CACTIN: variants seen among roughly 807,000 people sequenced by gnomAD.
The protein encoded by CACTIN is cactin, spliceosome C complex subunit.
CACTIN carries 20 observed loss-of-function variants against 84.9 expected under a neutral mutation model. The observed-to-expected ratio is 0.24, with a 90% confidence interval of 0.17 to 0.34. The LOEUF (loss-of-function observed/expected upper bound fraction) is 0.34. Among genes scored for constraint, CACTIN ranks in the 10% least tolerant of loss-of-function variants. The pLI is 1.00. For missense variants in CACTIN, 897 were observed against 1,117.2 expected (o/e 0.80, Z 2.81); for synonymous variants, 549 against 467.9 (o/e 1.17, Z -2.24).
At chr19:3,623,510 C>A (rs1220498928) in intron 2 of CACTIN, among the ~76,000 whole-genome samples, 178 bp downstream of exon 2, 1 of 152,210 alleles carries the variant, frequency 6.6e-6, no homozygotes. Flanking sequence ...GCCTGGGCGA[C>A]AGAGCGAGAC....
Position 3,623,794 on chromosome 19 carries a change from C to T in CACTIN, c.536G>A (p.Arg179His), listed in dbSNP as rs890738741. 1.2e-6 allele frequency: 2 copies of T among 1,613,784 alleles called. No homozygotes were observed. The highest frequency in any genetic ancestry group is 2.2e-5 in the East Asian group (1 of 44,892). The change falls in exon 2 of 10, where the codon CGC becomes CAC. Residue 179 changes from arginine to histidine, a missense_variant. Physicochemically the swap from Arg to His is conservative, Grantham distance 29. Transcript: ENST00000429344. ...CCAGCCCATCTTCTCCCGCTTCTTG[C>T]GCTCCTTGGCCTCCTTCTTGGCCAG... ...RRLAKKEAKE[R>H]KKREKMGWGE...
In CACTIN at chr19:3,612,166, G is replaced by A. The variant is rs765866157; in HGVS notation, c.2034C>T (p.Phe678=). The A allele has an allele frequency of 1.9e-6, 3 of 1,613,686 alleles. No individual in the cohort carries two copies. Among genetic ancestry groups the A allele is most frequent in the African/African-American group, 1.3e-5 (1 of 75,086 alleles). The change falls in exon 10 of 10, where the codon TTC becomes TTT. Residue 678 remains phenylalanine (F), a synonymous_variant. Coordinates refer to ENST00000429344, the MANE Select transcript of CACTIN (RefSeq NM_001080543.2). ...PPPKIVQGYK[F]NIFYPDLIDK... ...CGATGAGGTCGGGGTAGAAGATGTT[G>A]AACTTGTATCCCTGCACGATCTTGG...
Position 3,611,165 on chromosome 19 carries a change from G to A in CACTIN, c.*758C>T, listed in dbSNP as rs1324655068. On this transcript the variant is annotated 3_prime_UTR_variant, in exon 10 of 10. Coordinates refer to ENST00000429344, the MANE Select transcript of CACTIN (RefSeq NM_001080543.2). ...CTGTGCTCAGAGGTGGGGGGAGGAC[G>A]GCTCAGTGACTTTTGGTTCCCACGA... The A allele has an allele frequency of 7.6e-6, 3 of 392,948 alleles. No homozygotes were observed. The highest frequency in any genetic ancestry group is 1.0e-5 in the Non-Finnish European group (2 of 194,944). 24.3% of individuals were successfully genotyped at this position (392,948 alleles called of 1,614,324 possible).
intron 6 of CACTIN, among the ~76,000 whole-genome samples, chr19:3,618,635 CG>C (rs2033157512): frequency 6.6e-6 from 1 of 152,236 alleles, no homozygotes; most frequent in Non-Finnish European, 1.5e-5. Context: ...TCAGCGTTAA[CG>C]GGACGCTGGG....
At position 3,611,287 on chromosome 19, in the gene CACTIN, G is replaced by A; in HGVS notation, c.*636C>T. On this transcript the variant is annotated 3_prime_UTR_variant, in exon 10 of 10. Coordinates refer to ENST00000429344, the MANE Select transcript of CACTIN (RefSeq NM_001080543.2). ...CGGGGTGAGTTGGGGGCCAGTCCCTGCAGAGTGTGGGTGTCCACAGAGGGT... is the reference window on the plus strand; with the variant it reads ...CGGGGTGAGTTGGGGGCCAGTCCCTACAGAGTGTGGGTGTCCACAGAGGGT... 4.4e-6 allele frequency: 2 copies of A among 454,634 alleles called. No individual in the cohort carries two copies. The highest frequency in any genetic ancestry group is 1.6e-5 in the South Asian group (1 of 64,338). The allele number at this position is 454,634 out of a possible 1,614,324, so 28.2% of individuals were successfully genotyped here. A position where few individuals can be genotyped will look rare whatever the true frequency, so the allele number is the denominator to read the frequency against.
At chr19:3,620,031 C>T in intron 4 of CACTIN, 96 bp downstream of exon 4, 1 of 1,461,678 alleles carries the variant, frequency 6.8e-7, no homozygotes, top group South Asian at 1.2e-5. Flanking sequence ...CGTGTGGGAC[C>T]CTGAAGGGTG....
At chr19:3,616,542 G>A (rs932422610) in intron 6 of CACTIN, 1 of 152,118 alleles carries the variant, frequency 6.6e-6, no homozygotes, top group Non-Finnish European at 1.5e-5. Flanking sequence ...CCAGGAGGCA[G>A]AGGTTGCAGT....
In CACTIN at chr19:3,623,878, T is replaced by C. The variant is rs748592436; in HGVS notation, c.452A>G (p.Lys151Arg). 1 of 1,608,592 alleles carries C rather than the reference T, an allele frequency of 6.2e-7. No homozygotes were observed. Among genetic ancestry groups the C allele is most frequent in the Non-Finnish European group, 8.5e-7 (1 of 1,179,820 alleles). ...QERLRLREER[K>R]QQEELMKAFE... ...GGCCTTCATCAGCTCCTCCTGCTGCTTCCGCTCCTCCCGCAGCCGCAGCCG... is the reference window on the plus strand; with the variant it reads ...GGCCTTCATCAGCTCCTCCTGCTGCCTCCGCTCCTCCCGCAGCCGCAGCCG... Residue 151 changes from lysine (K) to arginine (R), a missense_variant, in exon 2 of 10, where the codon AAG becomes AGG. Physicochemically the swap from Lys to Arg is conservative, Grantham distance 26 (BLOSUM62 2). Transcript: ENST00000429344.
Position 3,611,039 on chromosome 19 carries a change from G to A in CACTIN, c.*884C>T, listed in dbSNP as rs2032935636. 1 of 438,222 alleles carries A rather than the reference G, an allele frequency of 2.3e-6. No homozygotes were observed. Among genetic ancestry groups the A allele is most frequent in the Non-Finnish European group, 4.6e-6 (1 of 215,366 alleles). The allele number at this position is 438,222 out of a possible 1,614,324, so 27.1% of individuals were successfully genotyped here. On this transcript the variant is annotated 3_prime_UTR_variant, in exon 10 of 10. Coordinates refer to ENST00000429344, the MANE Select transcript of CACTIN (RefSeq NM_001080543.2). Reference sequence around the variant, plus strand: ...CAAAACTCGGGGTCACTGGTCTCATGCTCCAAGGCCCCGTGAGCAGGCCAG... The same window carrying A: ...CAAAACTCGGGGTCACTGGTCTCATACTCCAAGGCCCCGTGAGCAGGCCAG...
chr19:3,615,992 C>A lies in CACTIN; in HGVS notation c.1163-1403G>T, dbSNP rs2033097900. ...CAAGCAGAAGAGCCCAGCCGCGAGG[C>A]TCCCAGGAAGCCAGGCCAGGTGCCG... On this transcript the variant is annotated intron_variant, in intron 6 of 9. Transcript: ENST00000429344. The surrounding 1 kb of genome is among the most constrained non-coding windows in gnomAD (Gnocchi z 5.2). The A allele has an allele frequency of 6.6e-6, 1 of 152,108 alleles. No homozygotes were observed. Among genetic ancestry groups the A allele is most frequent in the East Asian group, 1.9e-4 (1 of 5,166 alleles). The allele number at this position is 152,108 out of a possible 1,614,324, so 9.4% of individuals were successfully genotyped here.
intron 7 of CACTIN, 117 bp downstream of exon 7, chr19:3,614,279 CT>C (rs1443691889): frequency 1.9e-6 from 2 of 1,077,632 alleles, no homozygotes; most frequent in Admixed American, 4.1e-5. Flanking sequence ...TTTCCTGCCC[CT>C]CTCCACCCCA....
rs768715581 is a variant in CACTIN, at chr19:3,613,278, C to G, written c.1566G>C (p.Pro522=). The G allele has an allele frequency of 5.4e-5, 87 of 1,605,342 alleles. 1 individual carries two copies. In the South Asian group the frequency reaches 9.2e-4, roughly 17 times the overall value. Residue 522 remains proline, a synonymous_variant, in exon 9 of 10, where the codon CCG becomes CCC. Transcript: ENST00000429344. ...CGTCCCCGTCGCCGTCGCCCTCTGT[C>G]GGGGTCGCGCCGTCCACCTCGGCCT... is the stretch of plus-strand genomic sequence containing the variant. The part of the protein sequence containing the change: ...PAEAEVDGAT[P]TEGDGDGDGE...
chr19:3,626,531 A>G, intron 1 of CACTIN, 65 bp downstream of exon 1: 1 of 1,293,756 alleles, frequency 7.7e-7, no homozygotes, highest in Non-Finnish European at 9.9e-7. Context: ...GGGATCTCCA[A>G]CCCTCGGTCG....
chr19:3,623,615 G>A, intron 2 of CACTIN, 73 bp downstream of exon 2: 1 of 1,332,246 alleles, frequency 7.5e-7, no homozygotes, highest in Non-Finnish European at 1.0e-6. Flanking sequence ...GGCTGGGAGT[G>A]TCTCAAGTGT....
Position 3,618,956 on chromosome 19 carries a change from C to T in CACTIN, c.1081G>A (p.Asp361Asn), listed in dbSNP as rs865856318. The T allele has an allele frequency of 1.9e-6, 3 of 1,558,186 alleles. No homozygotes were observed. Among genetic ancestry groups the T allele is most frequent in the Admixed American group, 1.9e-5 (1 of 51,994 alleles). ...YMELEQGKNA[D>N]FWRDMTTITE... ...ATGGTGGTCATGTCCCGCCAGAAGT[C>T]GGCGTTCTTGCCCTGCTCCAGCTCC... The change falls in exon 6 of 10, where the codon GAC becomes AAC. Residue 361 changes from aspartate to asparagine, a missense_variant. Physicochemically the swap from Asp to Asn is conservative, Grantham distance 23. Transcript: ENST00000429344.
At chr19:3,614,091 C>T (rs1485989077) in intron 7 of CACTIN, among the ~76,000 whole-genome samples, 2 of 152,206 alleles carry the variant, frequency 1.3e-5, no homozygotes, top group Non-Finnish European at 2.9e-5. Context: ...GCCATGGCTG[C>T]TGGAGCGCGC....
chr19:3,620,909 G>A, intron 2 of CACTIN, 107 bp from the exon 3 acceptor site: 2 of 855,046 alleles, frequency 2.3e-6, no homozygotes, highest in South Asian at 2.8e-5. Flanking sequence ...TGCAGAGAGA[G>A]GTGACCTGCC....
chr19:3,621,331 T>C (rs1463514129), intron 2 of CACTIN, among the ~76,000 whole-genome samples: 7 of 152,280 alleles, frequency 4.6e-5, no homozygotes, highest in Admixed American at 2.6e-4. Flanking sequence ...TGGCCACTGA[T>C]GGGCTTGTCC....
rs759004365 is a variant in CACTIN, at chr19:3,612,319, G to T, written c.1881C>A (p.Leu627=). The change falls in exon 10 of 10, where the codon CTC becomes CTA. Residue 627 remains leucine, a synonymous_variant. Transcript: ENST00000429344. ...DEAQFSVEMP[L]TGKAYLWADK... is the part of the protein sequence containing the mutation. Reference sequence around the variant, plus strand: ...CGGCCCACAGGTAGGCCTTGCCGGTGAGTGGCATCTCCACGCTGAACTGCG... The same window carrying T: ...CGGCCCACAGGTAGGCCTTGCCGGTTAGTGGCATCTCCACGCTGAACTGCG... 2.5e-6 allele frequency: 4 copies of T among 1,612,528 alleles called. No individual in the cohort carries two copies. In the African/African-American group the frequency reaches 5.3e-5, roughly 22 times the overall value.
Sources: gnomAD v4.1 joint callset for allele counts (sites outside exome capture counted in the v4.1 genomes callset) on GRCh38, gnomAD v4.1.1 for gene constraint, Gnocchi (gnomAD v3.1) non-coding constraint, MANE v1.5 for transcripts, NCBI Gene and HGNC (gene_info 2026-07-23, HGNC 2026-07-21) for gene names.